GNA15: variants seen among roughly 807,000 people sequenced by gnomAD.
The protein encoded by GNA15 is G protein subunit alpha 15, also known as guanine nucleotide-binding protein subunit alpha-15.
A neutral mutation model predicts 40.1 loss-of-function variants in GNA15; 23 were observed. That is an observed-to-expected ratio of 0.57 (90% CI 0.41 to 0.81). GNA15 has a LOEUF of 0.81. GNA15 is among the 40% of genes least tolerant of loss of function. The pLI is 0.00. For synonymous variants in GNA15, 226 were observed against 210.4 expected (o/e 1.07, Z -0.64); for missense variants, 522 against 515.8 (o/e 1.01, Z -0.12).
rs567762404 is a variant in GNA15, at chr19:3,136,808, G to A, written c.145+213G>A. Among the ~76,000 whole-genome samples the A allele has an allele frequency of 2.0e-5, 3 of 152,372 alleles. No individual in the cohort carries two copies. The highest frequency in any genetic ancestry group is 7.2e-5 in the African/African-American group (3 of 41,594). On this transcript the variant is annotated intron_variant, in intron 1 of 6. Coordinates refer to ENST00000262958, the MANE Select transcript of GNA15 (RefSeq NM_002068.4). This position sits in a 1 kb window ranked among gnomAD's most constrained non-coding sequence, Gnocchi z 4.9. ...AAGTTCCTTGTCCAACGTGCGACCA[G>A]CGGCCAGGTGCCCAGGCCTGTCCAC...
At chr19:3,143,846 C>T (rs536399267) in intron 1 of GNA15, among the ~76,000 whole-genome samples, 17 of 151,604 alleles carry the variant, frequency 1.1e-4, no homozygotes, top group African/African-American at 3.6e-4. Flanking sequence ...CTTGGCCAGG[C>T]GCAGTGGCTC....
Position 3,136,523 on chromosome 19 carries a change from G to A in GNA15, c.73G>A (p.Asp25Asn). 1 of 1,567,506 alleles carries A rather than the reference G, an allele frequency of 6.4e-7. No homozygotes were observed. Residue 25 changes from aspartate (D) to asparagine (N), a missense_variant, in exon 1 of 7, where the codon GAC (aspartate) becomes AAC (asparagine). Transcript: ENST00000262958. This position sits in a 1 kb window ranked among gnomAD's most constrained non-coding sequence, Gnocchi z 4.9. ...GGATGAGAAGGCCGCCGCCCGGGTG[G>A]ACCAGGAGATCAACAGGATCCTCTT... The part of the protein sequence containing the change: ...TEDEKAAARV[D>N]QEINRILLEQ...
At chr19:3,162,193 C>T (rs1026424679) in intron 6 of GNA15, among the ~76,000 whole-genome samples, 1 of 151,442 alleles carries the variant, frequency 6.6e-6, no homozygotes, top group African/African-American at 2.4e-5. Context: ...AATCCCAGCG[C>T]TTTGGGGGGG....
chr19:3,159,737 G>T (rs1030815164), intron 6 of GNA15, among the ~76,000 whole-genome samples: 2 of 152,220 alleles, frequency 1.3e-5, no homozygotes, highest in Non-Finnish European at 2.9e-5. Flanking sequence ...TGCGGCACTT[G>T]TAGCTACAGA....
intron 6 of GNA15, among the ~76,000 whole-genome samples, chr19:3,161,234 G>A (rs1030545384): frequency 5.3e-5 from 8 of 152,148 alleles, no homozygotes; most frequent in African/African-American, 9.7e-5. Context: ...GATTACAGGC[G>A]TGAGCCCTCA....
At chr19:3,140,097 TTAA>T (rs1012921714) in intron 1 of GNA15, among the ~76,000 whole-genome samples, 8 of 123,018 alleles carry the variant, frequency 6.5e-5, no homozygotes, top group African/African-American at 2.3e-4. Context: ...ATTTGACATA[TTAA>T]TGTGTCATAT....
chr19:3,143,640 G>A (rs1914628553), intron 1 of GNA15, among the ~76,000 whole-genome samples: 1 of 151,646 alleles, frequency 6.6e-6, no homozygotes, highest in Non-Finnish European at 1.5e-5. Flanking sequence ...GTGACAGAGT[G>A]AGACCCTGTC....
chr19:3,147,811 C>G (rs903896724), intron 1 of GNA15, among the ~76,000 whole-genome samples: 9 of 149,434 alleles, frequency 6.0e-5, no homozygotes, highest in Admixed American at 6.0e-4. Context: ...TGGTGTGAAC[C>G]CGGGAGACGG....
rs923416738 is a variant in GNA15, at chr19:3,136,348, C to T, written c.-103C>T. 161 of 1,207,822 alleles carry T rather than the reference C, an allele frequency of 1.3e-4. No homozygotes were observed. Among genetic ancestry groups the T allele is most frequent in the East Asian group, 3.2e-4 (12 of 37,766 alleles). The allele number at this position is 1,207,822 out of a possible 1,614,324, so 74.8% of individuals were successfully genotyped here. On this transcript the variant is annotated 5_prime_UTR_variant, in exon 1 of 7. Transcript: ENST00000262958. The surrounding 1 kb of genome is among the most constrained non-coding windows in gnomAD (Gnocchi z 4.9). ...GGAAAAGGCAGCCTCCCTGCGCACC[C>T]GGTTGCCCGGAGCCCTCTCCAGGGC...
At chr19:3,150,720 C>T (rs1914861118) in intron 3 of GNA15, among the ~76,000 whole-genome samples, 1 of 152,042 alleles carries the variant, frequency 6.6e-6, no homozygotes, top group African/African-American at 2.4e-5. Context: ...CAGGGGTGAC[C>T]CTGTTCCTGG....
intron 6 of GNA15, among the ~76,000 whole-genome samples, chr19:3,162,500 C>T (rs1041849811): frequency 6.6e-6 from 1 of 152,184 alleles, no homozygotes; most frequent in African/African-American, 2.4e-5. Flanking sequence ...TGGCTGTAAG[C>T]GAGGCCAAGA....
At position 3,151,745 on chromosome 19, in the gene GNA15, A is replaced by G. The variant is rs1914886729; in HGVS notation, c.524A>G (p.Tyr175Cys). Residue 175 changes from tyrosine to cysteine, a missense_variant, in exon 4 of 7, where the codon TAC becomes TGC. Tyr to Cys is a radical substitution (Grantham distance 194). Coordinates refer to ENST00000262958, the MANE Select transcript of GNA15 (RefSeq NM_002068.4). The surrounding 1 kb of genome is among the most constrained non-coding windows in gnomAD (Gnocchi z 5.0). ...CTGGAGCGCATCACCGAGGAGGGCT[A>G]CGTCCCCACAGCTCAGGACGTGCTC... ...SHLERITEEGYVPTAQDVLRS... is the reference protein window; with the variant it reads ...SHLERITEEGCVPTAQDVLRS... The G allele has an allele frequency of 1.2e-6, 2 of 1,610,728 alleles. No individual in the cohort carries two copies. The highest frequency in any genetic ancestry group is 1.7e-6 in the Non-Finnish European group (2 of 1,178,672).
rs1246435230 is a variant in GNA15, at chr19:3,148,659, G to A, written c.214G>A (p.Glu72Lys). 5 of 1,591,500 alleles carry A rather than the reference G, an allele frequency of 3.1e-6. No homozygotes were observed. The highest frequency in any genetic ancestry group is 4.3e-6 in the Non-Finnish European group (5 of 1,169,100). ...MRIIHGAGYS[E>K]EERKGFRPLV... ...GATCATCCACGGCGCCGGCTACTCGGAGGAGGAGCGCAAGGGCTTCCGGCC... is the reference window on the plus strand; with the variant it reads ...GATCATCCACGGCGCCGGCTACTCGAAGGAGGAGCGCAAGGGCTTCCGGCC... The change falls in exon 2 of 7, where the codon GAG becomes AAG. Residue 72 changes from glutamate (E) to lysine (K), a missense_variant. By Grantham distance (56) the Glu-to-Lys change is moderately conservative. Coordinates refer to ENST00000262958, the MANE Select transcript of GNA15 (RefSeq NM_002068.4).
intron 2 of GNA15, chr19:3,149,816 C>T (rs1217213434): frequency 1.2e-5 from 3 of 256,274 alleles, no homozygotes; most frequent in Non-Finnish European, 2.3e-5. Flanking sequence ...CTGTGAGTGC[C>T]GTGCTTCCTG....
chr19:3,148,378 G>A (rs1418773247), intron 1 of GNA15, among the ~76,000 whole-genome samples: 3 of 152,286 alleles, frequency 2.0e-5, no homozygotes, highest in Non-Finnish European at 2.9e-5. Flanking sequence ...ATGAGCCACC[G>A]TGCCCAGCCT....
intron 1 of GNA15, among the ~76,000 whole-genome samples, chr19:3,144,347 T>C (rs1290722796): frequency 6.6e-6 from 1 of 152,028 alleles, no homozygotes; most frequent in Non-Finnish European, 1.5e-5. Context: ...GTTTGTTTAT[T>C]GCACTGACTC....
intron 6 of GNA15, among the ~76,000 whole-genome samples, chr19:3,162,372 C>T (rs574222200): frequency 6.9e-5 from 10 of 145,460 alleles, no homozygotes; most frequent in South Asian, 4.3e-4. Flanking sequence ...GGCGACAGAG[C>T]GAGGCCCCAT....
rs1266413039 is a variant in GNA15 at position 3,155,653 on chromosome 19, G to GT, written c.615-169dup. On this transcript the variant is annotated intron_variant, in intron 4 of 6. Transcript: ENST00000262958. This position sits in a 1 kb window ranked among gnomAD's most constrained non-coding sequence, Gnocchi z 5.6. ...CAGGCTTCTCATCTGTAAAATGGGC[G>GT]TAAGACTCATCCTTGCCTCGCGGGA... Among the ~76,000 whole-genome samples the GT allele has an allele frequency of 3.3e-5, 5 of 152,122 alleles. No homozygotes were observed. The highest frequency in any genetic ancestry group is 9.7e-5 in the African/African-American group (4 of 41,398).
intron 1 of GNA15, among the ~76,000 whole-genome samples, chr19:3,145,354 T>TAC (rs1352566372): frequency 2.8e-5 from 1 of 35,972 alleles, no homozygotes; most frequent in East Asian, 4.1e-4. Flanking sequence ...TATATATATA[T>TAC]ATATATTTTT....
Sources: gnomAD v4.1 joint callset for allele counts (sites outside exome capture counted in the v4.1 genomes callset) on GRCh38, gnomAD v4.1.1 for gene constraint, Gnocchi (gnomAD v3.1) non-coding constraint, MANE v1.5 for transcripts, NCBI Gene and HGNC (gene_info 2026-07-23, HGNC 2026-07-21) for gene names.